The following ASAP1 variants were observed in gnomAD, a reference collection of about 807,000 sequenced individuals.
The protein encoded by ASAP1 is ArfGAP with SH3 domain, ankyrin repeat and PH domain 1.
ASAP1 carries 43 observed loss-of-function variants against 145.2 expected under a neutral mutation model. That is an observed-to-expected ratio of 0.30 (90% CI 0.23 to 0.38). The LOEUF is 0.38. Ranked by LOEUF, ASAP1 falls within the 10% of genes least tolerant of loss-of-function variation. The probability of loss-of-function intolerance (pLI) is 1.00; values close to 1 mark genes in which losing one functional copy is unlikely to be tolerated. For synonymous variants in ASAP1, 546 were observed against 515.5 expected, an observed-to-expected ratio of 1.06 and a Z score of -0.80; for missense variants, 1,018 against 1,355.3, an observed-to-expected ratio of 0.75 and a Z score of 3.91.
At chr8:130,158,899 T>G (rs140126815) in intron 12 of ASAP1, among the ~76,000 whole-genome samples, 2,599 of 152,036 alleles carry the variant, frequency 0.017, 37 homozygotes, top group East Asian at 0.065. Context: ...GCCTGGCTAA[T>G]TTTTTGTATT....
At chr8:130,180,662 T>G (rs1814291254) in intron 8 of ASAP1, 89 bp downstream of exon 8, 1 of 1,413,620 alleles carries the variant, frequency 7.1e-7, no homozygotes. Flanking sequence ...TCAAACAGAG[T>G]CTGCCTTTAA....
At chr8:130,331,405 T>C (rs1824681971) in intron 3 of ASAP1, among the ~76,000 whole-genome samples, 1 of 152,158 alleles carries the variant, frequency 6.6e-6, no homozygotes, top group African/African-American at 2.4e-5. Flanking sequence ...CTGTGTCAAC[T>C]TGGTCAGTTT....
intron 1 of ASAP1, among the ~76,000 whole-genome samples, chr8:130,410,813 C>A (rs910162647): frequency 4.6e-5 from 7 of 152,218 alleles, no homozygotes; most frequent in Admixed American, 1.3e-4. Flanking sequence ...CACCTAATTT[C>A]TGGCTGATCT....
At chr8:130,069,047 A>G (rs2097436193) in intron 27 of ASAP1, among the ~76,000 whole-genome samples, 1 of 152,204 alleles carries the variant, frequency 6.6e-6, no homozygotes, top group South Asian at 2.1e-4. Context: ...GTGAGAGCCA[A>G]AGGACTCCTC....
At chr8:130,334,237 G>T (rs552689048) in intron 3 of ASAP1, among the ~76,000 whole-genome samples, 1 of 152,062 alleles carries the variant, frequency 6.6e-6, no homozygotes, top group African/African-American at 2.4e-5. Context: ...ATATAAAGAG[G>T]TACTCTTTGA....
chr8:130,278,708 G>C (rs1234977939), intron 3 of ASAP1, among the ~76,000 whole-genome samples: 1 of 152,196 alleles, frequency 6.6e-6, no homozygotes, highest in Non-Finnish European at 1.5e-5. Context: ...TTATCCATAT[G>C]CATTAAATAT....
intron 4 of ASAP1, among the ~76,000 whole-genome samples, chr8:130,229,103 C>A (rs539645510): frequency 6.6e-6 from 1 of 152,316 alleles, no homozygotes; most frequent in East Asian, 1.9e-4. Context: ...TCTTATGGCA[C>A]TGATTATCAA....
intron 3 of ASAP1, among the ~76,000 whole-genome samples, chr8:130,345,008 A>C (rs1028720190): frequency 6.6e-6 from 1 of 152,158 alleles, no homozygotes; most frequent in African/African-American, 2.4e-5. Context: ...GAAGGGGGAG[A>C]CTGGTTGGCA....
chr8:130,134,169 G>C, intron 15 of ASAP1, 127 bp downstream of exon 15: 1 of 623,296 alleles, frequency 1.6e-6, no homozygotes, highest in Non-Finnish European at 2.7e-6. Context: ...TGGCCCACAG[G>C]CGGGAAAGAA....
intron 14 of ASAP1, among the ~76,000 whole-genome samples, chr8:130,135,275 A>C (rs544413510): frequency 6.6e-6 from 1 of 152,284 alleles, no homozygotes; most frequent in South Asian, 2.1e-4. Context: ...AGGACTGCTT[A>C]AGCCTAGGAG....
intron 5 of ASAP1, among the ~76,000 whole-genome samples, chr8:130,204,209 T>A (rs1816056009): frequency 6.6e-6 from 1 of 152,176 alleles, no homozygotes. Context: ...ATGCAAGGGA[T>A]CTAGGTTGCA....
intron 5 of ASAP1, among the ~76,000 whole-genome samples, chr8:130,209,690 C>T (rs1362835118): frequency 6.6e-6 from 1 of 152,060 alleles, no homozygotes; most frequent in African/African-American, 2.4e-5. Flanking sequence ...GCATAAAGCC[C>T]TTTTTAGGCA....
intron 7 of ASAP1, among the ~76,000 whole-genome samples, chr8:130,186,257 C>CG (rs1814723835): frequency 6.6e-6 from 1 of 152,112 alleles, no homozygotes; most frequent in Non-Finnish European, 1.5e-5. Flanking sequence ...TGTCAATGTA[C>CG]GGATATATTC....
chr8:130,065,137 C>A (rs544863811), intron 27 of ASAP1, among the ~76,000 whole-genome samples: 165 of 152,180 alleles, frequency 1.1e-3, no homozygotes, highest in Middle Eastern at 0.01. Flanking sequence ...CCTTAGCCTC[C>A]CTAAGCGCTG....
intron 16 of ASAP1, among the ~76,000 whole-genome samples, chr8:130,127,247 C>T (rs147718282): frequency 2.6e-5 from 4 of 152,202 alleles, no homozygotes; most frequent in East Asian, 3.9e-4. Flanking sequence ...GAGACAGTCT[C>T]GCTCTGTCGC....
intron 5 of ASAP1, among the ~76,000 whole-genome samples, chr8:130,203,362 C>A (rs535331345): frequency 2.6e-5 from 4 of 152,330 alleles, no homozygotes; most frequent in African/African-American, 9.6e-5. Flanking sequence ...CTGGCTTGTA[C>A]AAGGGAAGCC....
intron 8 of ASAP1, among the ~76,000 whole-genome samples, chr8:130,180,119 G>A (rs914830335): frequency 3.3e-5 from 5 of 151,194 alleles, no homozygotes; most frequent in African/African-American, 9.7e-5. Context: ...GAGAGAAAGC[G>A]AGGAAGAAGG....
intron 28 of ASAP1, among the ~76,000 whole-genome samples, chr8:130,058,706 C>T (rs2097410176): frequency 6.6e-6 from 1 of 152,170 alleles, no homozygotes; most frequent in Admixed American, 6.5e-5. Flanking sequence ...AGAGGTATCA[C>T]CTTCTAAATG....
At chr8:130,377,781 T>A (rs948773567) in intron 2 of ASAP1, among the ~76,000 whole-genome samples, 16 of 152,294 alleles carry the variant, frequency 1.1e-4, no homozygotes, top group African/African-American at 3.8e-4. Flanking sequence ...CGGCTGTGTC[T>A]CAGGGTGCTC....
Sources: allele counts gnomAD v4.1 joint callset (sites outside exome capture counted in the v4.1 genomes callset), GRCh38; gene constraint gnomAD v4.1.1; transcripts MANE v1.5; gene names NCBI Gene and HGNC (gene_info 2026-07-23, HGNC 2026-07-21).